The following NLGN4X variants were observed in gnomAD, a reference collection of about 807,000 sequenced individuals.
The protein encoded by NLGN4X is neuroligin-4, X-linked.
In NLGN4X, 3 loss-of-function variants were observed where a neutral mutation model predicts 40.3. That is an observed-to-expected ratio of 0.07 (90% CI 0.03 to 0.19). NLGN4X has a LOEUF of 0.19. NLGN4X is among the 10% of genes least tolerant of loss of function. NLGN4X has a pLI of 1.00. For synonymous variants in NLGN4X, 270 were observed against 306.8 expected (o/e 0.88, Z 1.25); for missense variants, 382 against 708.3 (o/e 0.54, Z 5.23).
chrX:6,113,714 C>A (rs1307093223), intron 2 of NLGN4X, among the ~76,000 whole-genome samples: 1 of 108,457 alleles, frequency 9.2e-6, no homozygotes, highest in East Asian at 2.8e-4. Flanking sequence ...AAAAAATGCA[C>A]GATACACAAA....
chrX:6,105,494 C>T (rs771375526), intron 2 of NLGN4X, among the ~76,000 whole-genome samples: 22 of 111,950 alleles, frequency 2.0e-4, no homozygotes, highest in Admixed American at 1.5e-3. Flanking sequence ...TGTGAACAAA[C>T]GTAGGTGGGT....
At chrX:6,158,890 T>C (rs775473097) in intron 1 of NLGN4X, among the ~76,000 whole-genome samples, 1 of 112,293 alleles carries the variant, frequency 8.9e-6, no homozygotes, top group Non-Finnish European at 1.9e-5. Flanking sequence ...AGTGAGAACA[T>C]GCGGTGTTTG....
intron 3 of NLGN4X, among the ~76,000 whole-genome samples, chrX:5,937,979 G>A (rs6529901): frequency 0.3 from 33,303 of 110,804 alleles, 4,465 homozygotes; most frequent in East Asian, 0.58. Context: ...TACCCTACGG[G>A]ACTAAGAGAC....
intron 3 of NLGN4X, among the ~76,000 whole-genome samples, chrX:5,925,384 C>G: frequency 9.0e-6 from 1 of 111,726 alleles, no homozygotes; most frequent in Non-Finnish European, 1.9e-5. Flanking sequence ...TACAATTCTT[C>G]TTCTCATTTT....
intron 2 of NLGN4X, among the ~76,000 whole-genome samples, chrX:6,108,709 G>A (rs770965688): frequency 4.6e-5 from 5 of 108,333 alleles, no homozygotes; most frequent in South Asian, 4.0e-4. Context: ...AAAATACTGC[G>A]TAGTTGTAGA....
At chrX:6,153,768 CTA>C (rs1468825251) in intron 1 of NLGN4X, among the ~76,000 whole-genome samples, 1 of 112,007 alleles carries the variant, frequency 8.9e-6, no homozygotes, top group African/African-American at 3.2e-5. Context: ...GTGAATGAGA[CTA>C]TGAGTCACTT....
intron 2 of NLGN4X, among the ~76,000 whole-genome samples, chrX:6,054,877 CG>C (rs1235537301): frequency 1.8e-5 from 2 of 111,572 alleles, no homozygotes; most frequent in African/African-American, 3.3e-5. Context: ...AGGCTAGTCT[CG>C]AACTCCTGAC....
chrX:6,207,027 TTC>T (rs111244462), intron 1 of NLGN4X, among the ~76,000 whole-genome samples: 10 of 107,297 alleles, frequency 9.3e-5, no homozygotes, highest in Non-Finnish European at 1.7e-4. Context: ...TTGCACTAGA[TTC>T]TCTCTCTCTC....
At chrX:5,926,346 A>G (rs2033317138) in intron 3 of NLGN4X, among the ~76,000 whole-genome samples, 1 of 110,849 alleles carries the variant, frequency 9.0e-6, no homozygotes, top group African/African-American at 3.3e-5. Flanking sequence ...GTGTGAGGAC[A>G]GATTAATATA....
chrX:6,171,073 C>G (rs1297824335), intron 1 of NLGN4X, among the ~76,000 whole-genome samples: 1 of 112,463 alleles, frequency 8.9e-6, no homozygotes, highest in Admixed American at 9.4e-5. Flanking sequence ...ATCTGCCTAT[C>G]TTGGCCTCCC....
chrX:6,004,206 G>T (rs1051368694), intron 3 of NLGN4X, among the ~76,000 whole-genome samples: 1 of 112,435 alleles, frequency 8.9e-6, no homozygotes, highest in African/African-American at 3.2e-5. Flanking sequence ...GACCTCAAAA[G>T]ACACTTATTA....
chrX:5,968,137 C>T (rs777970698), intron 3 of NLGN4X, among the ~76,000 whole-genome samples: 99 of 110,264 alleles, frequency 9.0e-4, no homozygotes, highest in Non-Finnish European at 1.6e-3. Context: ...GTAACAAATA[C>T]TTCATACTGA....
At chrX:6,082,957 T>TTG in intron 2 of NLGN4X, among the ~76,000 whole-genome samples, 1 of 48,603 alleles carries the variant, frequency 2.1e-5, no homozygotes, top group African/African-American at 9.1e-5. Context: ...CGTTTTTTTC[T>TTG]TTTTTTTTTT....
At chrX:5,979,810 A>ATG (rs1555937008) in intron 3 of NLGN4X, among the ~76,000 whole-genome samples, 2 of 103,271 alleles carry the variant, frequency 1.9e-5, no homozygotes, top group African/African-American at 7.4e-5. Context: ...ATACATATAT[A>ATG]TGTGTATATA....
intron 1 of NLGN4X, among the ~76,000 whole-genome samples, chrX:6,155,558 G>A (rs1289139928): frequency 3.6e-5 from 4 of 111,473 alleles, no homozygotes; most frequent in Non-Finnish European, 5.6e-5. Context: ...CACTCTCCAC[G>A]CATGGCCATG....
At chrX:5,979,564 G>T (rs745780894) in intron 3 of NLGN4X, among the ~76,000 whole-genome samples, 20 of 110,365 alleles carry the variant, frequency 1.8e-4, no homozygotes, top group Non-Finnish European at 3.8e-4. Context: ...GTATTTCACT[G>T]TGGTTTCATT....
chrX:5,994,225 C>T (rs1007491392), intron 3 of NLGN4X, among the ~76,000 whole-genome samples: 4 of 111,869 alleles, frequency 3.6e-5, no homozygotes, highest in Non-Finnish European at 5.6e-5. Flanking sequence ...GCTTTATGCA[C>T]GTTAGTCAGC....
intron 1 of NLGN4X, among the ~76,000 whole-genome samples, chrX:6,195,416 C>T (rs1042681164): frequency 8.9e-6 from 1 of 111,987 alleles, no homozygotes; most frequent in Non-Finnish European, 1.9e-5. Flanking sequence ...CATTTCTCTC[C>T]CACATCCCGC....
Position 6,075,676 on chromosome X carries a change from T to C in NLGN4X, c.473-46244A>G, listed in dbSNP as rs73627048. On this transcript the variant is annotated intron_variant, in intron 2 of 5. Coordinates refer to ENST00000381095, the MANE Select transcript of NLGN4X (RefSeq NM_181332.3). ...TCTGTTCATTCCCCCAAGAGCTGAC[T>C]GTTTAAAAGAGCCTAGCACCTCCTT... is the stretch of plus-strand genomic sequence containing the variant. Among the ~76,000 whole-genome samples the C allele has an allele frequency of 7.5e-3, 832 of 110,873 alleles. 8 individuals carry two copies. Among genetic ancestry groups the C allele is most frequent in the African/African-American group, 0.026 (790 of 30,471 alleles).
Sources: gnomAD v4.1 joint callset for allele counts (sites outside exome capture counted in the v4.1 genomes callset) on GRCh38, gnomAD v4.1.1 for gene constraint, MANE v1.5 for transcripts, NCBI Gene and HGNC (gene_info 2026-07-23, HGNC 2026-07-21) for gene names.